The following ERBB4 variants were observed in gnomAD, a reference collection of about 807,000 sequenced individuals.
ERBB4 encodes the protein erb-b2 receptor tyrosine kinase 4.
ERBB4 carries 42 observed loss-of-function variants against 158.0 expected under a neutral mutation model. That is an observed-to-expected ratio of 0.27 (90% confidence interval 0.21 to 0.34). The LOEUF is 0.34. Ranked by LOEUF, ERBB4 falls within the 10% of genes least tolerant of loss-of-function variation. The pLI is 1.00. For synonymous variants in ERBB4, 583 were observed against 558.7 expected, an observed-to-expected ratio of 1.04 and a Z score of -0.61; for missense variants, 1,333 against 1,624.1, an observed-to-expected ratio of 0.82 and a Z score of 3.08.
intron 1 of ERBB4, among the ~76,000 whole-genome samples, chr2:212,248,087 C>G (rs1267976832): frequency 1.3e-5 from 2 of 152,094 alleles, no homozygotes; most frequent in Admixed American, 6.5e-5. Flanking sequence ...GTATACACTT[C>G]TGCATGGCTT....
intron 3 of ERBB4, among the ~76,000 whole-genome samples, chr2:211,876,900 A>G (rs996369600): frequency 2.6e-5 from 4 of 152,202 alleles, no homozygotes; most frequent in Non-Finnish European, 5.9e-5. Flanking sequence ...AAATGAAAAA[A>G]TTAACAAAGT....
intron 20 of ERBB4, among the ~76,000 whole-genome samples, chr2:211,551,643 TA>T (rs1025177848): frequency 3.3e-5 from 5 of 152,198 alleles, no homozygotes; most frequent in Admixed American, 2.0e-4. Flanking sequence ...TTCTCTTCTC[TA>T]GACTATTATT....
intron 1 of ERBB4, among the ~76,000 whole-genome samples, chr2:212,414,240 A>AT (rs1194530030): frequency 6.6e-6 from 1 of 152,206 alleles, no homozygotes; most frequent in Admixed American, 6.5e-5. Flanking sequence ...AGAGTACTTT[A>AT]TATAGAGGAA....
chr2:212,218,709 C>T (rs544566189), intron 1 of ERBB4, among the ~76,000 whole-genome samples: 1 of 151,358 alleles, frequency 6.6e-6, no homozygotes, highest in Non-Finnish European at 1.5e-5. Flanking sequence ...GTTGACTGCA[C>T]AACCTCACAG....
At position 212,424,475 on chromosome 2, in the gene ERBB4, A is replaced by AT. The variant is rs1456259121; in HGVS notation, c.82+113973dup. On this transcript the variant is annotated intron_variant, in intron 1 of 27. Coordinates refer to ENST00000342788, the MANE Select transcript of ERBB4 (RefSeq NM_005235.3). ...CATCTATGCACATAAAAGCCCACTT[A>AT]TTTTTTCTCCCAATTATAAGAGAAC... Among the ~76,000 whole-genome samples, 12 of 152,210 alleles carry AT rather than the reference A, an allele frequency of 7.9e-5. No homozygotes were observed. The South Asian group carries it at 1.9e-3, about 24-fold the overall frequency.
chr2:211,697,482 T>C (rs1305975935), intron 12 of ERBB4, among the ~76,000 whole-genome samples: 1 of 152,096 alleles, frequency 6.6e-6, no homozygotes, highest in Non-Finnish European at 1.5e-5. Context: ...AAAGACAAAT[T>C]ATTCAAATTA....
At chr2:212,209,205 A>C (rs551032296) in intron 1 of ERBB4, among the ~76,000 whole-genome samples, 1 of 152,274 alleles carries the variant, frequency 6.6e-6, no homozygotes, top group East Asian at 1.9e-4. Context: ...TCCATAACTG[A>C]ATTTGCTGCA....
chr2:211,427,481 C>G (rs1400977991), intron 22 of ERBB4, among the ~76,000 whole-genome samples: 1 of 152,076 alleles, frequency 6.6e-6, no homozygotes, highest in East Asian at 1.9e-4. Context: ...AAGTTAAACA[C>G]AATAAAATAA....
intron 2 of ERBB4, among the ~76,000 whole-genome samples, chr2:212,113,814 A>G (rs1310259045): frequency 1.3e-5 from 2 of 152,118 alleles, no homozygotes; most frequent in Non-Finnish European, 2.9e-5. Flanking sequence ...TATGGGTAGT[A>G]TATCATTTAT....
intron 2 of ERBB4, among the ~76,000 whole-genome samples, chr2:212,113,010 A>G (rs1381272337): frequency 1.3e-5 from 2 of 152,158 alleles, no homozygotes; most frequent in African/African-American, 4.8e-5. Context: ...CACAGGCCTA[A>G]ACAATGTGAC....
chr2:212,345,818 T>C (rs558015052), intron 1 of ERBB4, among the ~76,000 whole-genome samples: 1 of 152,238 alleles, frequency 6.6e-6, no homozygotes, highest in South Asian at 2.1e-4. Context: ...TCAGCTAGAA[T>C]TTCCCCAATC....
chr2:212,122,045 TTATATA>T (rs34626056), intron 2 of ERBB4, among the ~76,000 whole-genome samples: 4 of 148,726 alleles, frequency 2.7e-5, no homozygotes, highest in Non-Finnish European at 5.9e-5. Context: ...TATTTTATAT[TTATATA>T]TATATATATG....
At chr2:211,976,849 T>C (rs1296605292) in intron 2 of ERBB4, among the ~76,000 whole-genome samples, 1 of 152,136 alleles carries the variant, frequency 6.6e-6, no homozygotes, top group Non-Finnish European at 1.5e-5. Flanking sequence ...TATGTATATA[T>C]GACTTACACG....
At chr2:211,786,949 T>A (rs1383505645) in intron 4 of ERBB4, among the ~76,000 whole-genome samples, 1 of 152,214 alleles carries the variant, frequency 6.6e-6, no homozygotes, top group Non-Finnish European at 1.5e-5. Flanking sequence ...CAAATTTCTG[T>A]TCAAAGGTGA....
chr2:212,243,074 T>C (rs1205011962), intron 1 of ERBB4, among the ~76,000 whole-genome samples: 1 of 152,204 alleles, frequency 6.6e-6, no homozygotes, highest in Admixed American at 6.5e-5. Context: ...AGAGCTCAAG[T>C]TGACATCAAT....
At chr2:212,486,020 T>C (rs1362073464) in intron 1 of ERBB4, among the ~76,000 whole-genome samples, 1 of 151,678 alleles carries the variant, frequency 6.6e-6, no homozygotes. Flanking sequence ...ACAGCATACG[T>C]GATGAGAAAG....
rs191054488 is a variant in ERBB4 at position 211,456,547 on chromosome 2, G to A, written c.2488-25447C>T. Among the ~76,000 whole-genome samples the A allele has an allele frequency of 1.7e-3, 255 of 152,252 alleles. 2 individuals are homozygous for A. The highest frequency in any genetic ancestry group is 5.7e-3 in the African/African-American group (236 of 41,532). ...ACTCTGAGCTCAAATTCTAGCAGAT[G>A]AGGTGGATGTATTAAATATATATAC... On this transcript the variant is annotated intron_variant, in intron 20 of 27. Transcript: ENST00000342788.
At chr2:212,029,852 G>C (rs1199218216) in intron 2 of ERBB4, among the ~76,000 whole-genome samples, 1 of 152,086 alleles carries the variant, frequency 6.6e-6, no homozygotes, top group Non-Finnish European at 1.5e-5. Context: ...GAAATGATGT[G>C]ACAAAATTTT....
intron 20 of ERBB4, among the ~76,000 whole-genome samples, chr2:211,494,479 C>T (rs984279387): frequency 7.2e-5 from 11 of 152,048 alleles, no homozygotes; most frequent in African/African-American, 2.7e-4. Flanking sequence ...CAAAATGCAG[C>T]ATTATTATTT....
Sources: gnomAD v4.1 joint callset for allele counts (sites outside exome capture counted in the v4.1 genomes callset) on GRCh38, gnomAD v4.1.1 for gene constraint, MANE v1.5 for transcripts, NCBI Gene and HGNC (gene_info 2026-07-23, HGNC 2026-07-21) for gene names.